Variants in SLC16A7 observed in about 807,000 individuals in gnomAD.
SLC16A7 encodes monocarboxylate transporter 2.
Under a neutral mutation model 34.9 loss-of-function variants are expected in SLC16A7, and 33 were observed. That is an observed-to-expected ratio of 0.94 (90% confidence interval 0.72 to 1.26). The LOEUF (loss-of-function observed/expected upper bound fraction) is 1.26, where lower values mean the gene tolerates loss of function less well. Among genes scored for constraint, SLC16A7 ranks in the 50% most tolerant of loss-of-function variants. The probability of loss-of-function intolerance (pLI) is 0.00; values close to 1 mark genes in which losing one functional copy is unlikely to be tolerated. For missense variants in SLC16A7, 573 were observed against 578.1 expected (o/e 0.99, Z 0.09); for synonymous variants, 201 against 206.6 (o/e 0.97, Z 0.23).
At chr12:59,672,592 ATAT>A (rs915205684) in intron 2 of SLC16A7, among the ~76,000 whole-genome samples, 13 of 151,640 alleles carry the variant, frequency 8.6e-5, no homozygotes, top group African/African-American at 2.4e-4. Context: ...CTTCTTGTTG[ATAT>A]TATTATTATT....
intron 2 of SLC16A7, among the ~76,000 whole-genome samples, chr12:59,665,747 A>G (rs1592452987): frequency 6.6e-6 from 1 of 152,142 alleles, no homozygotes; most frequent in Non-Finnish European, 1.5e-5. Flanking sequence ...ATTTATATAT[A>G]TATACACACA....
chr12:59,737,064 C>T (rs542249426), intron 3 of SLC16A7, among the ~76,000 whole-genome samples: 13 of 152,250 alleles, frequency 8.5e-5, no homozygotes, highest in East Asian at 5.8e-4. Context: ...TCACAGACAC[C>T]GGCTCTCAAG....
intron 3 of SLC16A7, chr12:59,719,786 A>C (rs1373944323): frequency 6.7e-6 from 2 of 296,778 alleles, no homozygotes; most frequent in Non-Finnish European, 1.2e-5. Flanking sequence ...ACTGGTTGCA[A>C]ATTGGAGCAA....
chr12:59,619,900 ATTAC>A (rs1380780542), intron 1 of SLC16A7, among the ~76,000 whole-genome samples: 1 of 151,970 alleles, frequency 6.6e-6, no homozygotes, highest in African/African-American at 2.4e-5. Flanking sequence ...AGGGACCATT[ATTAC>A]TTCAGTTTTT....
intron 1 of SLC16A7, among the ~76,000 whole-genome samples, chr12:59,604,988 A>G (rs938785453): frequency 6.6e-5 from 10 of 152,146 alleles, no homozygotes; most frequent in African/African-American, 2.4e-4. Flanking sequence ...CTGGGACTAC[A>G]GGCGCCCGCC....
chr12:59,622,929 G>T (rs1879757913), intron 1 of SLC16A7, among the ~76,000 whole-genome samples: 2 of 151,484 alleles, frequency 1.3e-5, no homozygotes, highest in South Asian at 4.2e-4. Context: ...GATCCATCTG[G>T]TGTTCTTTTT....
chr12:59,663,230 A>C (rs958116109), intron 2 of SLC16A7, among the ~76,000 whole-genome samples: 1 of 151,970 alleles, frequency 6.6e-6, no homozygotes, highest in Non-Finnish European at 1.5e-5. Context: ...AATATTTTGT[A>C]ATAATACTAA....
At chr12:59,613,921 A>C (rs1879318206) in intron 1 of SLC16A7, among the ~76,000 whole-genome samples, 1 of 152,208 alleles carries the variant, frequency 6.6e-6, no homozygotes, top group Admixed American at 6.5e-5. Context: ...AAGATGATGA[A>C]GAACATGCTA....
At chr12:59,659,953 G>C (rs1031023716) in intron 2 of SLC16A7, among the ~76,000 whole-genome samples, 3 of 152,050 alleles carry the variant, frequency 2.0e-5, no homozygotes, top group Admixed American at 1.3e-4. Flanking sequence ...TGAGAAGCCT[G>C]GGGGTAAGAG....
chr12:59,710,122 A>G (rs1036795730), intron 3 of SLC16A7, among the ~76,000 whole-genome samples: 13 of 151,688 alleles, frequency 8.6e-5, no homozygotes, highest in African/African-American at 3.2e-4. Context: ...GAAATGTACA[A>G]GTGCTACTCT....
At chr12:59,688,080 A>G (rs1871294972) in intron 2 of SLC16A7, among the ~76,000 whole-genome samples, 1 of 152,144 alleles carries the variant, frequency 6.6e-6, no homozygotes, top group African/African-American at 2.4e-5. Flanking sequence ...TGGCTCTTTC[A>G]TAATCCTGAT....
intron 1 of SLC16A7, among the ~76,000 whole-genome samples, chr12:59,631,413 A>G (rs1880176723): frequency 6.6e-6 from 1 of 151,972 alleles, no homozygotes; most frequent in South Asian, 2.1e-4. Context: ...AAGGCCTAGT[A>G]ATGCACTATT....
chr12:59,615,538 A>G (rs1437884075), intron 1 of SLC16A7, among the ~76,000 whole-genome samples: 1 of 152,214 alleles, frequency 6.6e-6, no homozygotes, highest in Non-Finnish European at 1.5e-5. Flanking sequence ...GGAGAGGCCT[A>G]TGTGTCAAGA....
At chr12:59,715,289 G>A (rs1446043302) in intron 3 of SLC16A7, among the ~76,000 whole-genome samples, 1 of 152,102 alleles carries the variant, frequency 6.6e-6, no homozygotes, top group East Asian at 1.9e-4. Flanking sequence ...TGTTTTCTAT[G>A]TGTTTCCATT....
chr12:59,735,871 A>C, intron 3 of SLC16A7: 1 of 922,194 alleles, frequency 1.1e-6, no homozygotes, highest in Non-Finnish European at 1.4e-6. Flanking sequence ...CCAACATTAG[A>C]ATAAAACTAA....
At chr12:59,671,964 TGTATATATCC>T (rs2137051588) in intron 2 of SLC16A7, among the ~76,000 whole-genome samples, 1 of 66,556 alleles carries the variant, frequency 1.5e-5, no homozygotes, top group East Asian at 3.3e-4. Context: ...TGTATATATG[TGTATATATCC>T]ATATATCCGT....
chr12:59,704,225 GAAAAAA>G (rs199580719), intron 2 of SLC16A7, among the ~76,000 whole-genome samples: 2 of 121,894 alleles, frequency 1.6e-5, no homozygotes, highest in South Asian at 2.6e-4. Flanking sequence ...AAAAGAAAAA[GAAAAAA>G]AAAAGAAAAA....
chr12:59,654,492 T>G (rs1247644606), intron 1 of SLC16A7, among the ~76,000 whole-genome samples: 1 of 151,868 alleles, frequency 6.6e-6, no homozygotes, highest in Non-Finnish European at 1.5e-5. Flanking sequence ...TGTTTCAAGG[T>G]TCATATCATC....
chr12:59,768,533 T>C (rs1881906539), intron 3 of SLC16A7, among the ~76,000 whole-genome samples: 1 of 152,140 alleles, frequency 6.6e-6, no homozygotes, highest in Non-Finnish European at 1.5e-5. Flanking sequence ...AAGTTTAGAA[T>C]AGTACATAAA....
Sources: allele counts gnomAD v4.1 joint callset (sites outside exome capture counted in the v4.1 genomes callset), GRCh38; gene constraint gnomAD v4.1.1; transcripts MANE v1.5; gene names NCBI Gene and HGNC (gene_info 2026-07-23, HGNC 2026-07-21).